The following PTPRD variants were observed in gnomAD, a reference collection of about 807,000 sequenced individuals.
PTPRD encodes the protein receptor-type tyrosine-protein phosphatase delta.
Under a neutral mutation model 214.5 loss-of-function variants are expected in PTPRD, and 34 were observed. That is an observed-to-expected ratio of 0.16 (90% CI 0.12 to 0.21). PTPRD has a LOEUF of 0.21. PTPRD is among the 10% of genes least tolerant of loss of function. The pLI is 1.00. For synonymous variants in PTPRD, 1,128 were observed against 845.7 expected (o/e 1.33, Z -5.79); for missense variants, 2,545 against 2,398.7 (o/e 1.06, Z -1.27).
intron 10 of PTPRD, among the ~76,000 whole-genome samples, chr9:9,090,131 C>T (rs1014262749): frequency 5.3e-5 from 8 of 152,110 alleles, no homozygotes; most frequent in African/African-American, 1.7e-4. Flanking sequence ...TAACTACAGT[C>T]ACCTTACTGT....
intron 5 of PTPRD, among the ~76,000 whole-genome samples, chr9:9,932,896 A>G (rs2087326534): frequency 7.4e-6 from 1 of 134,664 alleles, no homozygotes; most frequent in Non-Finnish European, 1.7e-5. Context: ...AAACCCTACC[A>G]GCCAGAAAAG....
At chr9:10,502,271 G>T (rs1304445033) in intron 2 of PTPRD, among the ~76,000 whole-genome samples, 1 of 151,662 alleles carries the variant, frequency 6.6e-6, no homozygotes, top group Non-Finnish European at 1.5e-5. Flanking sequence ...GACTACATTA[G>T]AGAAATTGTA....
At chr9:9,122,607 C>T (rs2099818635) in intron 10 of PTPRD, among the ~76,000 whole-genome samples, 1 of 152,154 alleles carries the variant, frequency 6.6e-6, no homozygotes, top group African/African-American at 2.4e-5. Flanking sequence ...TTCTAAGTGT[C>T]CTCCCATCTT....
chr9:8,386,934 T>G (rs187882849), intron 37 of PTPRD, among the ~76,000 whole-genome samples: 246 of 152,262 alleles, frequency 1.6e-3, no homozygotes, highest in African/African-American at 5.7e-3. Context: ...CATGTGGTCA[T>G]TTAGTCCCAA....
intron 4 of PTPRD, among the ~76,000 whole-genome samples, chr9:10,028,771 T>C (rs1047903584): frequency 2.0e-5 from 3 of 152,146 alleles, no homozygotes; most frequent in African/African-American, 7.2e-5. Flanking sequence ...TTCAGTTTTA[T>C]AAGGAAAGCA....
At position 8,907,865 on chromosome 9, in the gene PTPRD, A is replaced by G. The variant is rs2154258250; in HGVS notation, c.-104+110832T>C. Among the ~76,000 whole-genome samples, 2 of 152,260 alleles carry G rather than the reference A, an allele frequency of 1.3e-5. 1 individual carries two copies. The highest frequency in any genetic ancestry group is 3.9e-4 in the East Asian group (2 of 5,182). ...GTAATATGAGTCCCAGAAGAAAAAT[A>G]CATAAAAGGAGCAGAAAAAATTGAA... On this transcript the variant is annotated intron_variant, in intron 11 of 45. Coordinates refer to ENST00000381196, the MANE Select transcript of PTPRD (RefSeq NM_002839.4).
chr9:9,912,752 A>G (rs1283481226), intron 5 of PTPRD, among the ~76,000 whole-genome samples: 1 of 152,188 alleles, frequency 6.6e-6, no homozygotes, highest in African/African-American at 2.4e-5. Flanking sequence ...GTTGAGAATG[A>G]TATTCCCTAG....
At chr9:9,189,078 A>T (rs189117386) in intron 9 of PTPRD, among the ~76,000 whole-genome samples, 159 of 152,178 alleles carry the variant, frequency 1.0e-3, no homozygotes, top group Non-Finnish European at 2.2e-3. Flanking sequence ...TATGTATCAG[A>T]AGAGATGGGA....
chr9:9,671,686 T>C (rs145300707), intron 7 of PTPRD, among the ~76,000 whole-genome samples: 1 of 152,274 alleles, frequency 6.6e-6, no homozygotes, highest in East Asian at 1.9e-4. Context: ...CAAGATCTGA[T>C]GGTTTCATAA....
chr9:10,555,987 GA>G (rs1190761342), intron 2 of PTPRD, among the ~76,000 whole-genome samples: 24 of 152,198 alleles, frequency 1.6e-4, no homozygotes, highest in African/African-American at 5.8e-4. Flanking sequence ...CATAGTTGAT[GA>G]GAATACATAT....
At chr9:8,538,062 A>AG (rs900782619) in intron 14 of PTPRD, among the ~76,000 whole-genome samples, 37 of 152,096 alleles carry the variant, frequency 2.4e-4, no homozygotes, top group African/African-American at 8.4e-4. Context: ...CTAAATACTT[A>AG]GGCATCAGGG....
chr9:8,417,522 T>C (rs917570606), intron 35 of PTPRD, among the ~76,000 whole-genome samples: 25 of 152,216 alleles, frequency 1.6e-4, no homozygotes, highest in African/African-American at 5.3e-4. Flanking sequence ...GATAGCACTT[T>C]AATAGGATTT....
In PTPRD at chr9:9,824,001, T is replaced by C. The variant is rs140141766; in HGVS notation, c.-367-57150A>G. Among the ~76,000 whole-genome samples the C allele has an allele frequency of 3.8e-3, 579 of 152,210 alleles. 3 individuals are homozygous for C. Among genetic ancestry groups the C allele is most frequent in the African/African-American group, 0.013 (523 of 41,568 alleles). ...ACCCCATAAATATGTACAACTATTATGCATTCATAAAAATGTAAAAATGAA... is the reference window on the plus strand; with the variant it reads ...ACCCCATAAATATGTACAACTATTACGCATTCATAAAAATGTAAAAATGAA... On this transcript the variant is annotated intron_variant, in intron 5 of 45. Coordinates refer to ENST00000381196, the MANE Select transcript of PTPRD (RefSeq NM_002839.4).
intron 5 of PTPRD, among the ~76,000 whole-genome samples, chr9:9,900,702 T>C (rs972991697): frequency 1.3e-5 from 2 of 149,876 alleles, no homozygotes; most frequent in African/African-American, 5.0e-5. Context: ...AGTGGCACGA[T>C]CTTGGCTCAC....
chr9:9,691,315 T>A (rs2097266012), intron 7 of PTPRD, among the ~76,000 whole-genome samples: 1 of 151,978 alleles, frequency 6.6e-6, no homozygotes, highest in African/African-American at 2.4e-5. Context: ...TTTGAAACCA[T>A]CCTTATATTC....
chr9:8,947,617 T>C (rs1284711197), intron 11 of PTPRD, among the ~76,000 whole-genome samples: 1 of 152,142 alleles, frequency 6.6e-6, no homozygotes, highest in Non-Finnish European at 1.5e-5. Flanking sequence ...AAATAAATTC[T>C]TCTTAGGGTC....
At chr9:9,946,570 G>C (rs1291688789) in intron 4 of PTPRD, among the ~76,000 whole-genome samples, 1 of 152,036 alleles carries the variant, frequency 6.6e-6, no homozygotes, top group Non-Finnish European at 1.5e-5. Flanking sequence ...ATCTTACCGA[G>C]GCACACTCTT....
intron 12 of PTPRD, among the ~76,000 whole-genome samples, chr9:8,721,965 T>C (rs182213305): frequency 1.3e-5 from 2 of 152,244 alleles, no homozygotes; most frequent in Non-Finnish European, 2.9e-5. Context: ...TTGGGTGATT[T>C]TGCCCCCCTC....
chr9:9,143,061 T>C (rs1459706581), intron 10 of PTPRD, among the ~76,000 whole-genome samples: 1 of 152,156 alleles, frequency 6.6e-6, no homozygotes, highest in African/African-American at 2.4e-5. Flanking sequence ...CATTCTCTCC[T>C]CTCACCCGTC....
Sources: allele counts gnomAD v4.1 joint callset (sites outside exome capture counted in the v4.1 genomes callset), GRCh38; gene constraint gnomAD v4.1.1; transcripts MANE v1.5; gene names NCBI Gene and HGNC (gene_info 2026-07-23, HGNC 2026-07-21).